The following COLEC12 variants were observed in gnomAD, a reference collection of about 807,000 sequenced individuals.
The protein encoded by COLEC12 is collectin-12.
In COLEC12, 33 loss-of-function variants were observed where a neutral mutation model predicts 71.1. That is an observed-to-expected ratio of 0.46 (90% CI 0.35 to 0.62). The LOEUF is 0.62. Ranked by LOEUF, COLEC12 falls within the 20% of genes least tolerant of loss-of-function variation. The probability of loss-of-function intolerance (pLI) is 0.00; values close to 1 mark genes in which losing one functional copy is unlikely to be tolerated. For synonymous variants in COLEC12, 350 were observed against 353.0 expected, an observed-to-expected ratio of 0.99 and a Z score of 0.10; for missense variants, 765 against 916.1, an observed-to-expected ratio of 0.84 and a Z score of 2.13.
chr18:405,770 T>C (rs1598353355), intron 2 of COLEC12, among the ~76,000 whole-genome samples: 1 of 152,006 alleles, frequency 6.6e-6, no homozygotes. Flanking sequence ...CATCCCAACA[T>C]TTTCTCTTCT....
chr18:344,642 T>C (rs916372880), intron 5 of COLEC12, among the ~76,000 whole-genome samples: 1 of 152,246 alleles, frequency 6.6e-6, no homozygotes, highest in African/African-American at 2.4e-5. Flanking sequence ...ACACATTCCC[T>C]TCCCTGGAAG....
Position 334,918 on chromosome 18 carries a change from T to C in COLEC12, c.1640A>G (p.Gln547Arg). 6.4e-7 allele frequency: 1 copy of C among 1,556,426 alleles called. No homozygotes were observed. Among genetic ancestry groups the C allele is most frequent in the Non-Finnish European group, 8.6e-7 (1 of 1,159,816 alleles). Reference sequence around the variant, plus strand: ...CTCCCCAACGGTGCCCTGAAGTCCCTGGAAGCCAGGAGGGCCCTGAGGGCC... The same window carrying C: ...CTCCCCAACGGTGCCCTGAAGTCCCCGGAAGCCAGGAGGGCCCTGAGGGCC... ...LPGPQGPPGF[Q>R]GLQGTVGEPG... The change falls in exon 6 of 10, where the codon CAG (glutamine) becomes CGG (arginine). Residue 547 changes from glutamine (Q) to arginine (R), a missense_variant. By Grantham distance (43) the Gln-to-Arg change is conservative. Transcript: ENST00000400256.
rs1019349557 is a variant in COLEC12 at position 399,035 on chromosome 18, A to G, written c.59-41513T>C. 2.6e-5 allele frequency among the ~76,000 whole-genome samples: 4 copies of G among 152,356 alleles called. No individual in the cohort carries two copies. Among genetic ancestry groups the G allele is most frequent in the African/African-American group, 7.2e-5 (3 of 41,590 alleles). ...CCAAATTCCTCTGATCTTGTTACCC[A>G]TGTAATACAACAGAGTAGGTCCAAA... On this transcript the variant is annotated intron_variant, in intron 2 of 9. Transcript: ENST00000400256. This position sits in a 1 kb window ranked among gnomAD's most constrained non-coding sequence, Gnocchi z 4.0.
intron 2 of COLEC12, among the ~76,000 whole-genome samples, chr18:385,481 C>T (rs1278980061): frequency 6.6e-6 from 1 of 151,968 alleles, no homozygotes; most frequent in East Asian, 1.9e-4. Flanking sequence ...CACACCACCA[C>T]ACCAAGCTAA....
chr18:463,379 T>C (rs1402130197), intron 2 of COLEC12, among the ~76,000 whole-genome samples: 1 of 152,248 alleles, frequency 6.6e-6, no homozygotes, highest in Non-Finnish European at 1.5e-5. Context: ...TACCCAACTA[T>C]AAATTGTTGC....
At chr18:438,257 A>C (rs1387554701) in intron 2 of COLEC12, among the ~76,000 whole-genome samples, 1 of 152,216 alleles carries the variant, frequency 6.6e-6, no homozygotes, top group Non-Finnish European at 1.5e-5. Context: ...GCCTGAGAGA[A>C]GAAAAATTCA....
At chr18:454,132 C>T (rs1237006663) in intron 2 of COLEC12, among the ~76,000 whole-genome samples, 3 of 149,898 alleles carry the variant, frequency 2.0e-5, no homozygotes, top group African/African-American at 7.4e-5. Flanking sequence ...TCCCCATGGG[C>T]CCCCTGGTCT....
chr18:320,574 T>C (rs568870733), intron 9 of COLEC12, among the ~76,000 whole-genome samples: 2 of 152,264 alleles, frequency 1.3e-5, no homozygotes, highest in Non-Finnish European at 2.9e-5. Context: ...TTTGTTTTTA[T>C]ATGAACAGCT....
intron 2 of COLEC12, among the ~76,000 whole-genome samples, chr18:479,568 G>A (rs974071): frequency 0.51 from 76,709 of 150,062 alleles, 19,955 homozygotes; most frequent in African/African-American, 0.63. Context: ...ACACAGAAAC[G>A]CACACACACA....
chr18:427,457 T>C lies in COLEC12; in HGVS notation c.58+53250A>G, dbSNP rs529352722. Among the ~76,000 whole-genome samples, 12 of 152,330 alleles carry C rather than the reference T, an allele frequency of 7.9e-5. No homozygotes were observed. In the East Asian group the frequency reaches 2.1e-3, roughly 27 times the overall value. Reference sequence around the variant, plus strand: ...AGGTCATCAAGTCCACGTTGATAGGTGTGCTCTACATCTCATGCTTGATGG... The same window carrying C: ...AGGTCATCAAGTCCACGTTGATAGGCGTGCTCTACATCTCATGCTTGATGG... On this transcript the variant is annotated intron_variant, in intron 2 of 9. Transcript: ENST00000400256.
intron 5 of COLEC12, among the ~76,000 whole-genome samples, chr18:342,796 T>G (rs1319073541): frequency 6.6e-6 from 1 of 152,206 alleles, no homozygotes; most frequent in African/African-American, 2.4e-5. Context: ...TCACAGAAAG[T>G]GCAGTGAACA....
At chr18:440,140 T>C (rs1317173449) in intron 2 of COLEC12, among the ~76,000 whole-genome samples, 1 of 151,566 alleles carries the variant, frequency 6.6e-6, no homozygotes, top group African/African-American at 2.4e-5. Context: ...TCACCATATG[T>C]GGAATCTTTA....
At position 321,651 on chromosome 18, in the gene COLEC12, C is replaced by T. The variant is rs375525817; in HGVS notation, c.2209+11G>A. 5.6e-5 allele frequency: 91 copies of T among 1,614,192 alleles called. 1 individual carries two copies. In the Middle Eastern group the frequency reaches 8.2e-4, roughly 15 times the overall value. On this transcript the variant is annotated intron_variant, in intron 9 of 9. Transcript: ENST00000400256. ...CTGGCAGCTCCCTCTTAAATCCCAT[C>T]TACTGCTCACCTGTCTCCCTGTCTT...
chr18:411,341 A>G (rs1915890036), intron 2 of COLEC12, among the ~76,000 whole-genome samples: 1 of 152,226 alleles, frequency 6.6e-6, no homozygotes, highest in Non-Finnish European at 1.5e-5. Context: ...ATCAAGAGAC[A>G]GGAAGATCTT....
chr18:445,073 T>C (rs1916619687), intron 2 of COLEC12, among the ~76,000 whole-genome samples: 1 of 152,208 alleles, frequency 6.6e-6, no homozygotes, highest in South Asian at 2.1e-4. Context: ...TGAAAATGGT[T>C]TTCCCACATG....
chr18:462,928 G>A (rs1273174736), intron 2 of COLEC12, among the ~76,000 whole-genome samples: 4 of 152,190 alleles, frequency 2.6e-5, no homozygotes, highest in African/African-American at 9.7e-5. Context: ...CTCCCCAGCT[G>A]GAGTTTATTA....
intron 3 of COLEC12, among the ~76,000 whole-genome samples, chr18:356,004 A>T (rs1215628407): frequency 1.3e-5 from 2 of 152,188 alleles, no homozygotes; most frequent in African/African-American, 2.4e-5. Flanking sequence ...CCATTGTCCA[A>T]ACTAATCAGC....
At chr18:474,300 A>G (rs1917260865) in intron 2 of COLEC12, among the ~76,000 whole-genome samples, 1 of 152,256 alleles carries the variant, frequency 6.6e-6, no homozygotes, top group East Asian at 1.9e-4. Flanking sequence ...GGGGAATTCA[A>G]TGAACTAATG....
Position 368,832 on chromosome 18 carries a change from C to T in COLEC12, c.59-11310G>A, listed in dbSNP as rs576071303. ...AGTGAGCCGAGATCACGTCACTGCA[C>T]TCCAGCCTGGGCAACAGAGCGAGAC... On this transcript the variant is annotated intron_variant, in intron 2 of 9. Coordinates refer to ENST00000400256, the MANE Select transcript of COLEC12 (RefSeq NM_130386.3). 2.0e-5 allele frequency among the ~76,000 whole-genome samples: 3 copies of T among 152,210 alleles called. No individual in the cohort carries two copies. In the East Asian group the frequency reaches 5.8e-4, roughly 29 times the overall value.
Sources: gnomAD v4.1 joint callset for allele counts (sites outside exome capture counted in the v4.1 genomes callset) on GRCh38, gnomAD v4.1.1 for gene constraint, Gnocchi (gnomAD v3.1) non-coding constraint, MANE v1.5 for transcripts, NCBI Gene and HGNC (gene_info 2026-07-23, HGNC 2026-07-21) for gene names.